Variants in SND1 observed in about 807,000 individuals in gnomAD.
The protein encoded by SND1 is staphylococcal nuclease domain-containing protein 1.
A neutral mutation model predicts 121.7 loss-of-function variants in SND1; 38 were observed. The ratio of observed to expected loss-of-function variants is 0.31; its 90% CI spans 0.24 to 0.41. The LOEUF (loss-of-function observed/expected upper bound fraction) is 0.41, where lower values mean the gene tolerates loss of function less well. SND1 is among the 10% of genes least tolerant of loss of function. SND1 has a pLI of 1.00. For synonymous variants in SND1, 401 were observed against 447.4 expected (o/e 0.90, Z 1.31); for missense variants, 868 against 1,184.6 (o/e 0.73, Z 3.92).
At chr7:128,066,515 G>A (rs1042496672) in intron 16 of SND1, among the ~76,000 whole-genome samples, 1 of 152,218 alleles carries the variant, frequency 6.6e-6, no homozygotes. Context: ...AATCCGTGCT[G>A]CTGCCTGCCT....
intron 16 of SND1, among the ~76,000 whole-genome samples, chr7:128,051,883 G>T (rs945455011): frequency 6.6e-6 from 1 of 152,182 alleles, no homozygotes; most frequent in African/African-American, 2.4e-5. Flanking sequence ...TGATACTTGG[G>T]TTCAGAGAAC....
intron 14 of SND1, among the ~76,000 whole-genome samples, chr7:127,914,808 G>A (rs911259972): frequency 1.3e-5 from 2 of 152,110 alleles, no homozygotes; most frequent in African/African-American, 4.8e-5. Context: ...TTAGATTACT[G>A]GGGTTCAGTT....
At chr7:127,784,016 G>A (rs764545870) in intron 10 of SND1, among the ~76,000 whole-genome samples, 56 of 152,288 alleles carry the variant, frequency 3.7e-4, no homozygotes, top group African/African-American at 9.9e-4. Context: ...TAAAGAAAAC[G>A]AAGTGAACAG....
At chr7:127,870,937 CA>C (rs1799573359) in intron 12 of SND1, among the ~76,000 whole-genome samples, 1 of 152,062 alleles carries the variant, frequency 6.6e-6, no homozygotes, top group Non-Finnish European at 1.5e-5. Flanking sequence ...TGCACAGCTA[CA>C]AAAATATTTT....
chr7:127,657,551 G>A (rs563170349), intron 1 of SND1, among the ~76,000 whole-genome samples: 1 of 152,260 alleles, frequency 6.6e-6, no homozygotes, highest in South Asian at 2.1e-4. Flanking sequence ...GGAATGCAGT[G>A]GCACAATCAT....
intron 7 of SND1, among the ~76,000 whole-genome samples, chr7:127,704,114 A>C (rs1401317911): frequency 6.6e-6 from 1 of 152,074 alleles, no homozygotes; most frequent in African/African-American, 2.4e-5. Context: ...TGGATGTTTT[A>C]CCTTATTGTG....
At chr7:127,669,141 C>T (rs542786712) in intron 1 of SND1, among the ~76,000 whole-genome samples, 9 of 152,158 alleles carry the variant, frequency 5.9e-5, no homozygotes, top group African/African-American at 2.2e-4. Context: ...TACAGGCGCT[C>T]GACACCACGA....
rs115974536 is a variant in SND1, at chr7:127,811,627, G to C, written c.1242+4054G>C. 5.8e-3 allele frequency among the ~76,000 whole-genome samples: 890 copies of C among 152,204 alleles called. 16 individuals carry two copies. Among genetic ancestry groups the C allele is most frequent in the African/African-American group, 0.02 (848 of 41,522 alleles). ...GGCCTTCCTACTGGTTTTGCCACAA[G>C]AATCAGGGTGTTAGACTACCTCCTC... On this transcript the variant is annotated intron_variant, in intron 11 of 23. Transcript: ENST00000354725.
intron 16 of SND1, chr7:128,031,116 G>GCCGGAC (rs1792581362): frequency 6.6e-6 from 1 of 152,648 alleles, no homozygotes; most frequent in Admixed American, 6.5e-5. Context: ...CGGAGCCGGA[G>GCCGGAC]CCGGCGAAGC....
chr7:127,659,244 T>C (rs1795267678), intron 1 of SND1, among the ~76,000 whole-genome samples: 1 of 152,214 alleles, frequency 6.6e-6, no homozygotes, highest in Non-Finnish European at 1.5e-5. Flanking sequence ...GAACATTCGA[T>C]ATAGATGGAA....
At chr7:127,684,666 G>A (rs1032948283) in intron 1 of SND1, among the ~76,000 whole-genome samples, 1 of 152,132 alleles carries the variant, frequency 6.6e-6, no homozygotes, top group Non-Finnish European at 1.5e-5. Context: ...TGAATTCTCA[G>A]GATAGGGTGT....
At chr7:128,079,334 C>T (rs79138382) in intron 17 of SND1, among the ~76,000 whole-genome samples, 8,377 of 152,346 alleles carry the variant, frequency 0.055, 628 homozygotes, top group African/African-American at 0.17. Context: ...GGGCCTCTGT[C>T]CTGACTAGAG....
At chr7:128,020,760 G>A (rs773487867) in intron 16 of SND1, among the ~76,000 whole-genome samples, 31 of 152,194 alleles carry the variant, frequency 2.0e-4, no homozygotes, top group Non-Finnish European at 4.0e-4. Context: ...AAAGCCTCCA[G>A]CGGGCACAAT....
chr7:127,719,613 T>C (rs1796452486), intron 9 of SND1, among the ~76,000 whole-genome samples: 1 of 152,196 alleles, frequency 6.6e-6, no homozygotes, highest in African/African-American at 2.4e-5. Flanking sequence ...AGGAGAATGG[T>C]TATGGTTATT....
At chr7:127,741,598 C>T (rs1167024271) in intron 10 of SND1, among the ~76,000 whole-genome samples, 1 of 152,144 alleles carries the variant, frequency 6.6e-6, no homozygotes, top group East Asian at 1.9e-4. Flanking sequence ...TGAGGTGCTT[C>T]TCTACTAGCC....
At position 128,052,066 on chromosome 7, in the gene SND1, G is replaced by C. The variant is rs1410215617; in HGVS notation, c.1780-22436G>C. 6.6e-6 allele frequency among the ~76,000 whole-genome samples: 1 copy of C among 152,224 alleles called. No homozygotes were observed. The highest frequency in any genetic ancestry group is 6.5e-5 in the Admixed American group (1 of 15,284). On this transcript the variant is annotated intron_variant, in intron 16 of 23. Transcript: ENST00000354725. The surrounding 1 kb of genome is among the most constrained non-coding windows in gnomAD (Gnocchi z 4.6). ...TCTTTGAAGGAGATCGAAGTTGATA[G>C]ACACCGATATCAGAGGTGTAAGGAT...
intron 16 of SND1, among the ~76,000 whole-genome samples, chr7:128,002,772 C>T (rs1802867245): frequency 6.6e-6 from 1 of 152,176 alleles, no homozygotes; most frequent in Non-Finnish European, 1.5e-5. Flanking sequence ...GCTTCCTTAT[C>T]CTCTGACAGA....
intron 22 of SND1, among the ~76,000 whole-genome samples, chr7:128,090,575 C>T (rs185445272): frequency 1.1e-4 from 17 of 152,312 alleles, no homozygotes; most frequent in Non-Finnish European, 2.5e-4. Context: ...TGGCCAGCTT[C>T]TCCCTATGTT....
intron 17 of SND1, 128 bp from the exon 18 acceptor site, chr7:128,081,232 G>A (rs1234975830): frequency 5.8e-5 from 64 of 1,111,460 alleles, no homozygotes; most frequent in Non-Finnish European, 7.6e-5. Context: ...TCCTAACCTC[G>A]TGATCCACCC....
Sources: allele counts gnomAD v4.1 joint callset (sites outside exome capture counted in the v4.1 genomes callset), GRCh38; gene constraint gnomAD v4.1.1; non-coding constraint Gnocchi (gnomAD v3.1); transcripts MANE v1.5; gene names NCBI Gene and HGNC (gene_info 2026-07-23, HGNC 2026-07-21).